The following RIC3 variants were observed in gnomAD, a reference collection of about 807,000 sequenced individuals.
RIC3 encodes the protein protein RIC-3.
Under a neutral mutation model 27.3 loss-of-function variants are expected in RIC3, and 28 were observed. That is an observed-to-expected ratio of 1.02 (90% CI 0.76 to 1.41). The LOEUF (loss-of-function observed/expected upper bound fraction) is 1.41, where lower values mean the gene tolerates loss of function less well. Ranked by LOEUF, RIC3 falls within the 40% of genes most tolerant of loss-of-function variation. The pLI is 0.00. For synonymous variants in RIC3, 184 were observed against 160.4 expected (o/e 1.15, Z -1.11); for missense variants, 501 against 444.7 (o/e 1.13, Z -1.14).
At chr11:8,113,870 C>T (rs1945539687) in intron 5 of RIC3, among the ~76,000 whole-genome samples, 1 of 152,198 alleles carries the variant, frequency 6.6e-6, no homozygotes, top group African/African-American at 2.4e-5. Context: ...CATCCTAGCA[C>T]CTGGCCAATC....
intron 1 of RIC3, among the ~76,000 whole-genome samples, chr11:8,149,884 C>T (rs1326928270): frequency 6.6e-6 from 1 of 152,074 alleles, no homozygotes; most frequent in Admixed American, 6.6e-5. Flanking sequence ...TGATACTGTC[C>T]CTCCTTTTTT....
chr11:8,135,632 A>G (rs920827429), intron 4 of RIC3: 2 of 152,216 alleles, frequency 1.3e-5, no homozygotes, highest in South Asian at 2.1e-4. Flanking sequence ...ATGTTCTTCC[A>G]TTTGTTTGTA....
intron 4 of RIC3, chr11:8,128,405 C>G: frequency 2.7e-6 from 1 of 370,386 alleles, no homozygotes; most frequent in Non-Finnish European, 5.3e-6. Context: ...AAGAGCTTTC[C>G]CAGAGAACTC....
Position 8,134,241 on chromosome 11 carries a change from C to T in RIC3, c.521+3137G>A, listed in dbSNP as rs946509454. 5.6e-4 allele frequency among the ~76,000 whole-genome samples: 85 copies of T among 152,176 alleles called. 1 individual carries two copies. Among genetic ancestry groups the T allele is most frequent in the African/African-American group, 1.9e-3 (79 of 41,520 alleles). ...ATTCCCACCTATGAGTGAGAACATGCGGTGTTTGGTTTTTTATCCTTGCAA... is the reference window on the plus strand; with the variant it reads ...ATTCCCACCTATGAGTGAGAACATGTGGTGTTTGGTTTTTTATCCTTGCAA... On this transcript the variant is annotated intron_variant, in intron 4 of 5. Coordinates refer to ENST00000309737, the MANE Select transcript of RIC3 (RefSeq NM_001206671.4).
the RIC3 span, chr11:8,100,585 C>T: frequency 1.9e-6 from 3 of 1,614,072 alleles, no homozygotes; most frequent in Non-Finnish European, 2.5e-6. Flanking sequence ...GAGAGAGTCT[C>T]TATCCGCCCC....
chr11:8,168,386 G>T (rs1194985826), intron 1 of RIC3, among the ~76,000 whole-genome samples: 1 of 152,156 alleles, frequency 6.6e-6, no homozygotes, highest in Non-Finnish European at 1.5e-5. Context: ...GAAGCAGTGA[G>T]CGCCCAGCAC....
chr11:8,097,606 T>C, the RIC3 span: 4 of 1,300,610 alleles, frequency 3.1e-6, no homozygotes, highest in Admixed American at 3.6e-5. Context: ...TGTGCACATA[T>C]GTGCGTTTGG....
At chr11:8,103,475 C>G (rs1944392814), downstream of RIC3, 1 of 152,476 alleles carries the variant, frequency 6.6e-6, no homozygotes, top group Admixed American at 6.6e-5. Context: ...GTAATATGCT[C>G]TCATTTCTTT....
Position 8,164,031 on chromosome 11 carries a change from A to T in RIC3, c.124+4835T>A, listed in dbSNP as rs536131782. On this transcript the variant is annotated intron_variant, in intron 1 of 5. Transcript: ENST00000309737. ...ATTAATGTAATATAATTGAGAGTCC[A>T]GAAACAAACTCTTACATTTAGAGTC... is the stretch of plus-strand genomic sequence containing the variant. 1.8e-4 allele frequency among the ~76,000 whole-genome samples: 27 copies of T among 152,348 alleles called. No homozygotes were observed. The South Asian group carries it at 4.4e-3, about 25-fold the overall frequency.
intron 4 of RIC3, among the ~76,000 whole-genome samples, chr11:8,136,546 T>C (rs1948444277): frequency 6.6e-6 from 1 of 152,226 alleles, no homozygotes; most frequent in African/African-American, 2.4e-5. Flanking sequence ...GAAGCCACCC[T>C]TTCAGATCCT....
intron 1 of RIC3, among the ~76,000 whole-genome samples, chr11:8,159,414 T>C (rs764339104): frequency 6.6e-6 from 1 of 152,138 alleles, no homozygotes; most frequent in Non-Finnish European, 1.5e-5. Context: ...TAGACTATCT[T>C]TTCATCTAAG....
chr11:8,101,092 A>G (rs1944278591), downstream of RIC3: 3 of 1,422,750 alleles, frequency 2.1e-6, no homozygotes, highest in African/African-American at 2.8e-5. Flanking sequence ...CACTGGCTAG[A>G]GTTTAAGAAT....
chr11:8,143,910 G>C (rs1372853162), intron 1 of RIC3, among the ~76,000 whole-genome samples: 4 of 152,122 alleles, frequency 2.6e-5, no homozygotes, highest in African/African-American at 9.7e-5. Flanking sequence ...ACAAACCTGA[G>C]AAAAACAAGC....
intron 1 of RIC3, among the ~76,000 whole-genome samples, chr11:8,166,722 A>T (rs532297343): frequency 1.7e-4 from 26 of 152,070 alleles, no homozygotes; most frequent in East Asian, 9.7e-4. Flanking sequence ...AACAAAAAAA[A>T]TTTTTTTTAA....
At chr11:8,101,754 CCCAG>C, downstream of RIC3, 2 of 1,431,380 alleles carry the variant, frequency 1.4e-6, no homozygotes, top group East Asian at 2.5e-5. Flanking sequence ...GGCTCCCTGG[CCCAG>C]CCAGCCAGGA....
At position 8,110,648 on chromosome 11, in the gene RIC3, A is replaced by C; in HGVS notation, c.*50T>G. ...AGGGCCAAGAAGGAAATCTGAGGAG[A>C]GAGAGGTCACCTTGGGACTTGAGTA... On this transcript the variant is annotated 3_prime_UTR_variant, in exon 6 of 6. Transcript: ENST00000309737. 2 of 1,522,948 alleles carry C rather than the reference A, an allele frequency of 1.3e-6. No homozygotes were observed. The highest frequency in any genetic ancestry group is 1.8e-6 in the Non-Finnish European group (2 of 1,098,384). 94.3% of individuals were successfully genotyped at this position (1,522,948 alleles called of 1,614,324 possible). A position where few individuals can be genotyped will look rare whatever the true frequency, so the allele number is the denominator to read the frequency against.
chr11:8,158,032 T>TAAATGGTAA (rs961393470), intron 1 of RIC3, among the ~76,000 whole-genome samples: 1 of 150,036 alleles, frequency 6.7e-6, no homozygotes, highest in Non-Finnish European at 1.5e-5. Context: ...TTAGGGAAAA[T>TAAATGGTAA]AAATGGTAAC....
chr11:8,136,152 G>A (rs951006337), intron 4 of RIC3, among the ~76,000 whole-genome samples: 5 of 152,192 alleles, frequency 3.3e-5, no homozygotes, highest in East Asian at 3.9e-4. Flanking sequence ...CACTGCAGAC[G>A]TTGCAGGGAA....
chr11:8,099,075 G>A, the RIC3 span, among the ~76,000 whole-genome samples: 1 of 152,014 alleles, frequency 6.6e-6, no homozygotes, highest in South Asian at 2.1e-4. Flanking sequence ...CACCACAGCC[G>A]GCCATCTGCT....
Sources: gnomAD v4.1 joint callset for allele counts (sites outside exome capture counted in the v4.1 genomes callset) on GRCh38, gnomAD v4.1.1 for gene constraint, MANE v1.5 for transcripts, NCBI Gene and HGNC (gene_info 2026-07-23, HGNC 2026-07-21) for gene names.